Variants in VAV1 observed in about 807,000 individuals in gnomAD.
VAV1 encodes vav guanine nucleotide exchange factor 1.
Under a neutral mutation model 128.1 loss-of-function variants are expected in VAV1, and 33 were observed. That is an observed-to-expected ratio of 0.26 (90% CI 0.20 to 0.34). The LOEUF is 0.34. VAV1 is among the 10% of genes least tolerant of loss of function. The probability of loss-of-function intolerance (pLI) is 1.00; values close to 1 mark genes in which losing one functional copy is unlikely to be tolerated. For synonymous variants in VAV1, 394 were observed against 409.8 expected (o/e 0.96, Z 0.47); for missense variants, 715 against 1,093.7 (o/e 0.65, Z 4.88).
intron 1 of VAV1, among the ~76,000 whole-genome samples, chr19:6,790,271 T>C (rs1970989084): frequency 6.6e-6 from 1 of 152,214 alleles, no homozygotes. Flanking sequence ...AGGGCTACAC[T>C]GATTGCTGGG....
At position 6,772,834 on chromosome 19, in the gene VAV1, C is replaced by G. The variant is rs977000607; in HGVS notation, c.27C>G (p.His9Gln). ...TGGAGCTGTGGCGCCAATGCACCCACTGGCTCATCCAGTGCCGGGTGCTGC... is the reference window on the plus strand; with the variant it reads ...TGGAGCTGTGGCGCCAATGCACCCAGTGGCTCATCCAGTGCCGGGTGCTGC... MELWRQCT[H>Q]WLIQCRVLPP... The change falls in exon 1 of 27, where the codon CAC becomes CAG. Residue 9 changes from histidine to glutamine, a missense_variant. His to Gln is a conservative substitution (Grantham distance 24, BLOSUM62 0). This residue lies in a region of VAV1 where 302 missense variants were observed against 477.8 expected (regional missense o/e 0.63). Transcript: ENST00000602142. This position sits in a 1 kb window ranked among gnomAD's most constrained non-coding sequence, Gnocchi z 4.8. The G allele has an allele frequency of 6.2e-7, 1 of 1,613,972 alleles. No individual in the cohort carries two copies. The highest frequency in any genetic ancestry group is 8.5e-7 in the Non-Finnish European group (1 of 1,179,934).
chr19:6,841,478 C>CTTTTTT (rs35484934), intron 21 of VAV1, among the ~76,000 whole-genome samples: 6 of 135,620 alleles, frequency 4.4e-5, no homozygotes, highest in East Asian at 2.1e-4. Flanking sequence ...TTTTTCTTTT[C>CTTTTTT]TTTTTTTTTT....
intron 19 of VAV1, among the ~76,000 whole-genome samples, chr19:6,834,493 TC>T (rs1972170254): frequency 6.6e-6 from 1 of 151,364 alleles, no homozygotes; most frequent in African/African-American, 2.4e-5. Context: ...ATCTGCCTGC[TC>T]AGCCTCCCAA....
chr19:6,773,290 C>T (rs542384870), intron 1 of VAV1, among the ~76,000 whole-genome samples: 1 of 152,194 alleles, frequency 6.6e-6, no homozygotes, highest in African/African-American at 2.4e-5. Flanking sequence ...AAGCCCCAGG[C>T]GCCTCTACTG....
At chr19:6,798,051 C>T (rs752651058) in intron 1 of VAV1, among the ~76,000 whole-genome samples, 13 of 152,066 alleles carry the variant, frequency 8.5e-5, no homozygotes, top group East Asian at 5.8e-4. Context: ...CCGAGGTGGG[C>T]AAATCACTTG....
chr19:6,782,329 A>AAAAT (rs146389730), intron 1 of VAV1, among the ~76,000 whole-genome samples: 3,029 of 150,238 alleles, frequency 0.02, 83 homozygotes, highest in African/African-American at 0.06. Context: ...GACTCCATCT[A>AAAAT]AAATAAATAA....
chr19:6,835,076 G>C (rs1036777239), intron 19 of VAV1, among the ~76,000 whole-genome samples: 3 of 151,952 alleles, frequency 2.0e-5, no homozygotes, highest in Non-Finnish European at 2.9e-5. Context: ...TGAAATCTAT[G>C]AATGGGTATG....
intron 23 of VAV1, among the ~76,000 whole-genome samples, chr19:6,848,721 AC>A (rs1972589642): frequency 6.6e-6 from 1 of 150,806 alleles, no homozygotes; most frequent in Admixed American, 6.6e-5. Flanking sequence ...TTTATTTTTA[AC>A]CAATTTTCAT....
chr19:6,822,954 AAAT>A lies in VAV1; in HGVS notation c.654+445_654+447del, dbSNP rs1971832382. Among the ~76,000 whole-genome samples the A allele has an allele frequency of 6.8e-6, 1 of 147,606 alleles. No individual in the cohort carries two copies. The highest frequency in any genetic ancestry group is 1.5e-5 in the Non-Finnish European group (1 of 67,014). ...TAGTTTTTCATATAGAGCTATATGTAAATAATATATACAATATATAAATATATA... is the reference window on the plus strand; with the variant it reads ...TAGTTTTTCATATAGAGCTATATGTAAATATATACAATATATAAATATATA... On this transcript the variant is annotated intron_variant, in intron 6 of 26. Coordinates refer to ENST00000602142, the MANE Select transcript of VAV1 (RefSeq NM_005428.4). This position sits in a 1 kb window ranked among gnomAD's most constrained non-coding sequence, Gnocchi z 5.9.
In VAV1 at chr19:6,829,822, T is replaced by C. The variant is rs1972012017; in HGVS notation, c.1302T>C (p.Cys434=). ...AFLLDKALLI[C]KRRGDSYDLK... Reference sequence around the variant, plus strand: ...TGCTCGACAAAGCTCTACTCATCTGTAAGCGCAGGGGAGACTCCTATGACC... The same window carrying C: ...TGCTCGACAAAGCTCTACTCATCTGCAAGCGCAGGGGAGACTCCTATGACC... The change falls in exon 14 of 27, where the codon TGT becomes TGC. Residue 434 remains cysteine (C), a synonymous_variant. Coordinates refer to ENST00000602142, the MANE Select transcript of VAV1 (RefSeq NM_005428.4). 5.6e-6 allele frequency: 9 copies of C among 1,614,056 alleles called. No homozygotes were observed. Among genetic ancestry groups the C allele is most frequent in the Middle Eastern group, 1.6e-4 (1 of 6,084 alleles).
At chr19:6,829,654 AGGTGGG>A (rs1972008869) in intron 13 of VAV1, 126 bp from the exon 14 acceptor site, 2 of 1,336,326 alleles carry the variant, frequency 1.5e-6, no homozygotes, top group African/African-American at 2.9e-5. Flanking sequence ...CAGGATGGAC[AGGTGGG>A]CATGGCCAAG....
intron 15 of VAV1, among the ~76,000 whole-genome samples, chr19:6,832,606 TA>T (rs1972104236): frequency 1.1e-5 from 1 of 92,964 alleles, no homozygotes; most frequent in East Asian, 3.6e-4. Flanking sequence ...CTCTTCCTCC[TA>T]TTCCTCCTCC....
intron 20 of VAV1, 111 bp from the exon 21 acceptor site, chr19:6,836,874 A>ACG (rs1972237507): frequency 1.8e-5 from 11 of 594,774 alleles, no homozygotes; most frequent in African/African-American, 1.1e-4. Flanking sequence ...ACACACACAC[A>ACG]CACACGAGTG....
chr19:6,842,667 A>T (rs1212839921), intron 21 of VAV1, among the ~76,000 whole-genome samples: 1 of 151,988 alleles, frequency 6.6e-6, no homozygotes. Flanking sequence ...GATCTTGACA[A>T]AATTTAAAAA....
rs1180408528 is a variant in VAV1, at chr19:6,775,647, C to T, written c.204+2636C>T. 2.0e-5 allele frequency among the ~76,000 whole-genome samples: 3 copies of T among 152,208 alleles called. No individual in the cohort carries two copies. The East Asian group carries it at 5.8e-4, about 29-fold the overall frequency. On this transcript the variant is annotated intron_variant, in intron 1 of 26. Transcript: ENST00000602142. Reference sequence around the variant, plus strand: ...CGAGGGGGCACATTCCTGCCCCTACCCATTTTGTTGCCCTTTGAAGCCCGG... The same window carrying T: ...CGAGGGGGCACATTCCTGCCCCTACTCATTTTGTTGCCCTTTGAAGCCCGG...
In VAV1 at chr19:6,822,871, CATATA is replaced by C. The variant is rs1032826391; in HGVS notation, c.654+362_654+366del. 1.8e-4 allele frequency among the ~76,000 whole-genome samples: 26 copies of C among 144,760 alleles called. No individual in the cohort carries two copies. The highest frequency in any genetic ancestry group is 2.0e-4 in the East Asian group (1 of 5,024). 95.0% of individuals were successfully genotyped at this position (144,760 alleles called of 152,430 possible). ...TACAAAGTATATATAAAAATATAAA[CATATA>C]ATATGTATAAAATATAAACATGATA... On this transcript the variant is annotated intron_variant, in intron 6 of 26. Transcript: ENST00000602142. The surrounding 1 kb of genome is among the most constrained non-coding windows in gnomAD (Gnocchi z 5.9).
chr19:6,837,187 C>T (rs1188814883), intron 21 of VAV1, 137 bp downstream of exon 21: 7 of 813,980 alleles, frequency 8.6e-6, no homozygotes, highest in Non-Finnish European at 1.4e-5. Context: ...TAACTCAAGG[C>T]TTCACCCACC....
At chr19:6,853,165 C>T (rs2144833768) in intron 25 of VAV1, 86 bp downstream of exon 25, 42 of 1,207,208 alleles carry the variant, frequency 3.5e-5, no homozygotes, top group Non-Finnish European at 5.0e-5. Flanking sequence ...ACACCCCTTC[C>T]AATGGCCTTG....
chr19:6,833,465 C>T, intron 16 of VAV1, 63 bp from the exon 17 acceptor site: 1 of 1,492,614 alleles, frequency 6.7e-7, no homozygotes, highest in South Asian at 1.3e-5. Context: ...ATGTTTTTAG[C>T]AGAATATTTG....
Sources: allele counts gnomAD v4.1 joint callset (sites outside exome capture counted in the v4.1 genomes callset), GRCh38; gene constraint gnomAD v4.1.1; regional missense constraint gnomAD v4.1.1; non-coding constraint Gnocchi (gnomAD v3.1); transcripts MANE v1.5; gene names NCBI Gene and HGNC (gene_info 2026-07-23, HGNC 2026-07-21).